Variants in GALNTL6 observed in about 807,000 individuals in gnomAD.
The protein encoded by GALNTL6 is polypeptide N-acetylgalactosaminyltransferase-like 6.
GALNTL6 carries 46 observed loss-of-function variants against 73.7 expected under a neutral mutation model. The observed-to-expected ratio is 0.62, with a 90% CI of 0.49 to 0.80. The LOEUF is 0.80. Ranked by LOEUF, GALNTL6 falls within the 30% of genes least tolerant of loss-of-function variation. The pLI is 0.00. For missense variants in GALNTL6, 604 were observed against 755.0 expected (o/e 0.80, Z 2.34); for synonymous variants, 259 against 263.7 (o/e 0.98, Z 0.17).
chr4:171,962,152 AG>A (rs1466205008), intron 2 of GALNTL6, among the ~76,000 whole-genome samples: 4 of 152,228 alleles, frequency 2.6e-5, no homozygotes, highest in Non-Finnish European at 5.9e-5. Context: ...AACCTGAAGA[AG>A]TTACAGAAGA....
At chr4:172,487,350 CTTT>C (rs1733727124) in intron 5 of GALNTL6, among the ~76,000 whole-genome samples, 1 of 122,532 alleles carries the variant, frequency 8.2e-6, no homozygotes, top group Non-Finnish European at 1.8e-5. Flanking sequence ...TTCTTTCTTT[CTTT>C]CTTTCCTTCT....
At chr4:172,422,043 T>C (rs952772887) in intron 5 of GALNTL6, among the ~76,000 whole-genome samples, 1 of 152,114 alleles carries the variant, frequency 6.6e-6, no homozygotes, top group Non-Finnish European at 1.5e-5. Context: ...AAGAAAGTTA[T>C]TCACTATTTT....
intron 8 of GALNTL6, among the ~76,000 whole-genome samples, chr4:172,913,859 A>G (rs897720209): frequency 6.6e-6 from 1 of 152,246 alleles, no homozygotes; most frequent in Non-Finnish European, 1.5e-5. Flanking sequence ...CTAGCAAGGC[A>G]GGCCAACATT....
At chr4:172,153,854 T>G (rs1310096852) in intron 2 of GALNTL6, among the ~76,000 whole-genome samples, 3 of 152,220 alleles carry the variant, frequency 2.0e-5, no homozygotes, top group Non-Finnish European at 2.9e-5. Context: ...AAACAATGCT[T>G]GCAGACTCAT....
chr4:172,048,033 A>G (rs1742268708), intron 2 of GALNTL6, among the ~76,000 whole-genome samples: 1 of 152,132 alleles, frequency 6.6e-6, no homozygotes, highest in African/African-American at 2.4e-5. Flanking sequence ...CTCTTTGTGT[A>G]AACTCCACAA....
At chr4:172,523,422 T>C (rs1734850155) in intron 5 of GALNTL6, among the ~76,000 whole-genome samples, 1 of 152,148 alleles carries the variant, frequency 6.6e-6, no homozygotes, top group African/African-American at 2.4e-5. Flanking sequence ...TGGAGTGCAG[T>C]GGCTCGATCT....
intron 2 of GALNTL6, among the ~76,000 whole-genome samples, chr4:171,941,039 T>A (rs1473082082): frequency 1.3e-5 from 2 of 151,980 alleles, no homozygotes; most frequent in Admixed American, 6.6e-5. Context: ...CCAGGAGAAT[T>A]AATAATCTAC....
At chr4:172,576,642 T>C (rs1009780171) in intron 5 of GALNTL6, among the ~76,000 whole-genome samples, 2 of 152,098 alleles carry the variant, frequency 1.3e-5, no homozygotes, top group Non-Finnish European at 2.9e-5. Context: ...GCAGAACTGT[T>C]GAGGGGATTG....
intron 4 of GALNTL6, among the ~76,000 whole-genome samples, chr4:172,313,570 CT>C (rs1561021592): frequency 6.6e-6 from 1 of 151,962 alleles, no homozygotes; most frequent in Non-Finnish European, 1.5e-5. Context: ...TGAACACCAT[CT>C]TTTAAGAAAA....
At chr4:172,236,386 C>T (rs1251328874) in intron 3 of GALNTL6, among the ~76,000 whole-genome samples, 2 of 151,830 alleles carry the variant, frequency 1.3e-5, no homozygotes, top group Non-Finnish European at 2.9e-5. Flanking sequence ...GGTGAAACCC[C>T]GTCTCTACTA....
intron 2 of GALNTL6, among the ~76,000 whole-genome samples, chr4:171,868,225 G>A (rs1429640247): frequency 1.3e-5 from 2 of 152,112 alleles, no homozygotes; most frequent in Non-Finnish European, 2.9e-5. Flanking sequence ...CTGGCCTCAA[G>A]CAATCCTCCT....
At chr4:172,522,651 C>T (rs1467686439) in intron 5 of GALNTL6, among the ~76,000 whole-genome samples, 2 of 131,674 alleles carry the variant, frequency 1.5e-5, no homozygotes, top group Non-Finnish European at 3.1e-5. Context: ...GCCTGGGTAA[C>T]GAGTGAAACT....
chr4:172,008,401 G>A (rs1027694294), intron 2 of GALNTL6, among the ~76,000 whole-genome samples: 31 of 151,926 alleles, frequency 2.0e-4, no homozygotes, highest in African/African-American at 7.5e-4. Context: ...ATGGATTCTA[G>A]GTCTCCATCC....
chr4:171,978,231 G>T (rs1402480411), intron 2 of GALNTL6, among the ~76,000 whole-genome samples: 2 of 150,646 alleles, frequency 1.3e-5, no homozygotes, highest in Non-Finnish European at 2.9e-5. Context: ...AATATTCTAG[G>T]AATATGTGAG....
In GALNTL6 at chr4:171,824,549, T is replaced by G. The variant is rs183501904; in HGVS notation, c.138+9831T>G. 6.6e-3 allele frequency among the ~76,000 whole-genome samples: 1,005 copies of G among 152,286 alleles called. 9 individuals are homozygous for G. The highest frequency in any genetic ancestry group is 0.01 in the Middle Eastern group (3 of 294). The stretch of plus-strand genomic sequence containing the variant: ...ATGATAAGCAATTTAAAATGTTATC[T>G]ATTATTACTTGTTAGAATTCTAGAA... On this transcript the variant is annotated intron_variant, in intron 2 of 12. Transcript: ENST00000506823.
intron 5 of GALNTL6, among the ~76,000 whole-genome samples, chr4:172,677,401 A>T (rs1732365584): frequency 6.6e-6 from 1 of 152,142 alleles, no homozygotes; most frequent in South Asian, 2.1e-4. Context: ...TTGGAGAAAG[A>T]TAAAAGGGGA....
At chr4:172,101,473 T>A (rs1732518065) in intron 2 of GALNTL6, among the ~76,000 whole-genome samples, 1 of 152,168 alleles carries the variant, frequency 6.6e-6, no homozygotes, top group Admixed American at 6.6e-5. Context: ...GAGAGATGTA[T>A]TAAAAAGTGC....
At chr4:172,980,873 C>G (rs562190224) in intron 10 of GALNTL6, among the ~76,000 whole-genome samples, 12 of 152,320 alleles carry the variant, frequency 7.9e-5, no homozygotes, top group Admixed American at 7.8e-4. Flanking sequence ...CCCCCAGTTC[C>G]TAGTAACTTC....
chr4:172,103,204 C>T lies in GALNTL6; in HGVS notation c.139-126452C>T, dbSNP rs891336463. On this transcript the variant is annotated intron_variant, in intron 2 of 12. Transcript: ENST00000506823. ...CCTCATGAGACCTGCCAGGTAAATT[C>T]TTCAGAGTTGCTGATGACCAGGCCT... Among the ~76,000 whole-genome samples the T allele has an allele frequency of 5.3e-5, 8 of 152,164 alleles. No homozygotes were observed. In the South Asian group the frequency reaches 1.7e-3, roughly 32 times the overall value.
Sources: allele counts gnomAD v4.1 joint callset (sites outside exome capture counted in the v4.1 genomes callset), GRCh38; gene constraint gnomAD v4.1.1; transcripts MANE v1.5; gene names NCBI Gene and HGNC (gene_info 2026-07-23, HGNC 2026-07-21).